Variants in HPSE2 observed in about 807,000 individuals in gnomAD.
HPSE2 encodes inactive heparanase-2.
A neutral mutation model predicts 60.5 loss-of-function variants in HPSE2; 38 were observed. That is an observed-to-expected ratio of 0.63 (90% CI 0.48 to 0.82). HPSE2 has a LOEUF of 0.82. HPSE2 is among the 40% of genes least tolerant of loss of function. The pLI, the probability that HPSE2 is intolerant of heterozygous loss-of-function variation, is 0.00. For missense variants in HPSE2, 713 were observed against 740.4 expected (o/e 0.96, Z 0.43); for synonymous variants, 295 against 293.2 (o/e 1.01, Z -0.06).
At chr10:99,026,013 G>A (rs981818419) in intron 3 of HPSE2, among the ~76,000 whole-genome samples, 4 of 151,982 alleles carry the variant, frequency 2.6e-5, no homozygotes, top group Non-Finnish European at 5.9e-5. Flanking sequence ...CATGTGAGCG[G>A]AGAAAATTGC....
chr10:99,036,766 A>G (rs1430620141), intron 3 of HPSE2, among the ~76,000 whole-genome samples: 1 of 152,170 alleles, frequency 6.6e-6, no homozygotes, highest in East Asian at 1.9e-4. Flanking sequence ...TCTGCCCAAG[A>G]TACTTATTAA....
chr10:98,662,913 C>T (rs1331985274), intron 6 of HPSE2, among the ~76,000 whole-genome samples: 2 of 151,956 alleles, frequency 1.3e-5, no homozygotes, highest in Admixed American at 6.5e-5. Context: ...TAATACAAGC[C>T]TATATAATAA....
the HPSE2 span, among the ~76,000 whole-genome samples, chr10:99,266,141 G>A: frequency 1.3e-5 from 2 of 152,190 alleles, no homozygotes; most frequent in East Asian, 1.9e-4. Context: ...GAACTTGGGG[G>A]AGGGAGTGAA....
chr10:98,687,550 C>T (rs772853012), intron 6 of HPSE2, among the ~76,000 whole-genome samples: 19 of 152,116 alleles, frequency 1.2e-4, no homozygotes, highest in Non-Finnish European at 2.5e-4. Flanking sequence ...TCCCCTTTGC[C>T]ATATAATGTA....
intron 9 of HPSE2, among the ~76,000 whole-genome samples, chr10:98,599,170 G>C (rs1009258025): frequency 1.3e-5 from 2 of 152,136 alleles, no homozygotes; most frequent in African/African-American, 2.4e-5. Context: ...CACTGGGCAT[G>C]CCCAGATTCT....
intron 9 of HPSE2, among the ~76,000 whole-genome samples, chr10:98,506,668 C>T (rs1382784598): frequency 6.6e-6 from 1 of 152,088 alleles, no homozygotes; most frequent in Non-Finnish European, 1.5e-5. Flanking sequence ...ATGTTGCCCA[C>T]TCTGGTCTTA....
intron 3 of HPSE2, among the ~76,000 whole-genome samples, chr10:98,872,907 G>A (rs1214857969): frequency 6.6e-6 from 1 of 152,104 alleles, no homozygotes; most frequent in African/African-American, 2.4e-5. Flanking sequence ...AAGACCCAAA[G>A]ATTTATTTAC....
chr10:98,966,342 G>T (rs1955814010), intron 3 of HPSE2, among the ~76,000 whole-genome samples: 1 of 152,114 alleles, frequency 6.6e-6, no homozygotes, highest in Non-Finnish European at 1.5e-5. Flanking sequence ...GCAAAATAAA[G>T]GAGCTGAAAA....
chr10:98,589,860 C>A lies in HPSE2; in HGVS notation c.1320+25044G>T, dbSNP rs139599418. 4.1e-4 allele frequency among the ~76,000 whole-genome samples: 63 copies of A among 152,298 alleles called. 2 individuals are homozygous for A. In the East Asian group the frequency reaches 0.012, roughly 28 times the overall value. On this transcript the variant is annotated intron_variant, in intron 9 of 11. Coordinates refer to ENST00000370552, the MANE Select transcript of HPSE2 (RefSeq NM_021828.5). ...AATGGTTCTTTTCATTCCCTTGAATCCTCATCTTTGACTCAAACCCCTCTT... is the reference window on the plus strand; with the variant it reads ...AATGGTTCTTTTCATTCCCTTGAATACTCATCTTTGACTCAAACCCCTCTT...
intron 9 of HPSE2, among the ~76,000 whole-genome samples, chr10:98,610,411 C>A (rs896892913): frequency 1.3e-5 from 2 of 152,148 alleles, no homozygotes; most frequent in African/African-American, 4.8e-5. Context: ...ATCTGAACAG[C>A]GATGGCTTGG....
intron 9 of HPSE2, among the ~76,000 whole-genome samples, chr10:98,613,899 T>C (rs1344365138): frequency 6.6e-6 from 1 of 152,218 alleles, no homozygotes; most frequent in Non-Finnish European, 1.5e-5. Flanking sequence ...ACCCGTGTAA[T>C]ATTTCTGATA....
chr10:98,788,666 G>A (rs532075084), intron 3 of HPSE2, among the ~76,000 whole-genome samples: 1 of 152,114 alleles, frequency 6.6e-6, no homozygotes, highest in African/African-American at 2.4e-5. Context: ...TTCTTAAGCC[G>A]GTCTGAAAAG....
At chr10:99,162,231 GAAATAAAAAT>G (rs1846874249) in intron 2 of HPSE2, among the ~76,000 whole-genome samples, 1 of 152,084 alleles carries the variant, frequency 6.6e-6, no homozygotes, top group South Asian at 2.1e-4. Context: ...AACTCTAACA[GAAATAAAAAT>G]AAATAAAAAG....
At chr10:98,843,586 A>C (rs368872918) in intron 3 of HPSE2, among the ~76,000 whole-genome samples, 3 of 152,204 alleles carry the variant, frequency 2.0e-5, no homozygotes, top group African/African-American at 7.2e-5. Context: ...TGGAAAAATA[A>C]ATGAAAAGTT....
chr10:99,052,015 T>C (rs1220954570), intron 3 of HPSE2, among the ~76,000 whole-genome samples: 1 of 151,032 alleles, frequency 6.6e-6, no homozygotes, highest in African/African-American at 2.4e-5. Flanking sequence ...ATATCAAATA[T>C]AATTTCCAGT....
At chr10:98,683,803 A>G (rs889899171) in intron 6 of HPSE2, among the ~76,000 whole-genome samples, 4 of 152,104 alleles carry the variant, frequency 2.6e-5, no homozygotes, top group African/African-American at 9.7e-5. Flanking sequence ...GAAGGGCACT[A>G]ATTTCAGATT....
chr10:98,688,461 ATTTCTTTTTTTT>A (rs1211547020), intron 6 of HPSE2, among the ~76,000 whole-genome samples: 16 of 50,060 alleles, frequency 3.2e-4, no homozygotes, highest in South Asian at 5.8e-4. Flanking sequence ...TTCCTTTAGC[ATTTCTTTTTTTT>A]TTTCTTTTTT....
chr10:99,207,808 C>A (rs1038042282), intron 2 of HPSE2, among the ~76,000 whole-genome samples: 1 of 151,678 alleles, frequency 6.6e-6, no homozygotes, highest in Non-Finnish European at 1.5e-5. Flanking sequence ...AATAGCCACC[C>A]CCCACCTTAT....
rs539658247 is a variant in HPSE2 at position 99,163,984 on chromosome 10, C to T, written c.449-19585G>A. ...AGTTCTGGTGGGTTTCTCCATACAA[C>T]GTTACTATTTTGCCTTTGTAATTAA... On this transcript the variant is annotated intron_variant, in intron 2 of 11. Transcript: ENST00000370552. Among the ~76,000 whole-genome samples the T allele has an allele frequency of 2.7e-4, 41 of 151,652 alleles. No individual in the cohort carries two copies. In the South Asian group the frequency reaches 6.9e-3, roughly 26 times the overall value.
Sources: allele counts gnomAD v4.1 joint callset (sites outside exome capture counted in the v4.1 genomes callset), GRCh38; gene constraint gnomAD v4.1.1; transcripts MANE v1.5; gene names NCBI Gene and HGNC (gene_info 2026-07-23, HGNC 2026-07-21).